FTO: variants seen among roughly 807,000 people sequenced by gnomAD.
FTO encodes the protein alpha-ketoglutarate-dependent dioxygenase FTO.
A neutral mutation model predicts 63.9 loss-of-function variants in FTO; 47 were observed. That is an observed-to-expected ratio of 0.74 (90% CI 0.58 to 0.94). The LOEUF (loss-of-function observed/expected upper bound fraction) is 0.94. FTO is among the 40% of genes least tolerant of loss of function. FTO has a pLI of 0.00. For synonymous variants in FTO, 207 were observed against 224.4 expected (o/e 0.92, Z 0.69); for missense variants, 562 against 618.1 (o/e 0.91, Z 0.96).
intron 8 of FTO, among the ~76,000 whole-genome samples, chr16:53,958,025 A>T (rs1412645486): frequency 6.6e-6 from 1 of 152,334 alleles, no homozygotes; most frequent in East Asian, 1.9e-4. Context: ...TTTATAGTGA[A>T]CATAGTAGTG....
intron 8 of FTO, among the ~76,000 whole-genome samples, chr16:53,939,510 A>AT (rs1447370905): frequency 6.6e-6 from 1 of 152,124 alleles, no homozygotes; most frequent in Admixed American, 6.5e-5. Flanking sequence ...CAGTTAAGTG[A>AT]TTTTTTAGTA....
intron 1 of FTO, among the ~76,000 whole-genome samples, chr16:53,707,979 C>A (rs1598458874): frequency 6.6e-6 from 1 of 152,214 alleles, no homozygotes; most frequent in East Asian, 1.9e-4. Context: ...AATATGTGGT[C>A]TTCTTTCACC....
At chr16:53,881,628 T>C (rs1372270909) in intron 6 of FTO, among the ~76,000 whole-genome samples, 1 of 152,218 alleles carries the variant, frequency 6.6e-6, no homozygotes, top group African/African-American at 2.4e-5. Context: ...AATTCTGCAG[T>C]CTGTGAGACC....
At chr16:53,735,638 GGAGT>G (rs2076376261) in intron 1 of FTO, among the ~76,000 whole-genome samples, 1 of 152,198 alleles carries the variant, frequency 6.6e-6, no homozygotes, top group Non-Finnish European at 1.5e-5. Context: ...TGTGCTTCAC[GGAGT>G]GAGTAATTCC....
intron 8 of FTO, among the ~76,000 whole-genome samples, chr16:54,061,445 C>T (rs2085568483): frequency 6.6e-6 from 1 of 152,152 alleles, no homozygotes; most frequent in Non-Finnish European, 1.5e-5. Flanking sequence ...AGATATTTTG[C>T]CATCTGACTT....
At chr16:54,074,917 A>AGAGTGT (rs1259223102) in intron 8 of FTO, among the ~76,000 whole-genome samples, 5 of 134,172 alleles carry the variant, frequency 3.7e-5, no homozygotes, top group South Asian at 2.6e-4. Context: ...AGAGAGAGAG[A>AGAGTGT]GTGTGTGTGT....
chr16:54,015,360 TTGTC>T (rs1458699433), intron 8 of FTO, among the ~76,000 whole-genome samples: 1 of 152,170 alleles, frequency 6.6e-6, no homozygotes, highest in Non-Finnish European at 1.5e-5. Flanking sequence ...ACAGAGTTGT[TTGTC>T]TGCAGCATTG....
chr16:53,742,683 G>A (rs2076553719), intron 1 of FTO, among the ~76,000 whole-genome samples: 1 of 152,064 alleles, frequency 6.6e-6, no homozygotes, highest in African/African-American at 2.4e-5. Context: ...ACATTGATTG[G>A]GTGCATAGTA....
At chr16:53,846,061 CT>C (rs1028226603) in intron 4 of FTO, among the ~76,000 whole-genome samples, 1 of 152,060 alleles carries the variant, frequency 6.6e-6, no homozygotes, top group East Asian at 1.9e-4. Context: ...AGAGATTGTT[CT>C]TTTTTTAAGT....
chr16:53,922,066 G>A (rs2082019183), intron 7 of FTO, among the ~76,000 whole-genome samples: 1 of 152,072 alleles, frequency 6.6e-6, no homozygotes, highest in Non-Finnish European at 1.5e-5. Context: ...ACTTTATAAA[G>A]CGTACCATAG....
intron 8 of FTO, among the ~76,000 whole-genome samples, chr16:54,080,819 G>A (rs777103423): frequency 5.3e-5 from 8 of 152,248 alleles, no homozygotes; most frequent in Admixed American, 2.0e-4. Context: ...AAGCATTTGC[G>A]TCAGTATTCT....
intron 8 of FTO, among the ~76,000 whole-genome samples, chr16:54,103,472 C>G (rs1271997823): frequency 1.3e-5 from 2 of 152,190 alleles, no homozygotes; most frequent in Non-Finnish European, 2.9e-5. Flanking sequence ...TCCTCACTCT[C>G]TGATGTGTGT....
chr16:54,089,397 G>T (rs992189307), intron 8 of FTO, among the ~76,000 whole-genome samples: 1 of 152,168 alleles, frequency 6.6e-6, no homozygotes, highest in Non-Finnish European at 1.5e-5. Flanking sequence ...AGAGATACTG[G>T]ATATCTCATA....
At chr16:53,934,859 G>A (rs538512637) in intron 8 of FTO, among the ~76,000 whole-genome samples, 1 of 152,294 alleles carries the variant, frequency 6.6e-6, no homozygotes, top group African/African-American at 2.4e-5. Flanking sequence ...GGCGATGACT[G>A]TAGCCTATTT....
chr16:54,096,027 A>C (rs868844341), intron 8 of FTO, among the ~76,000 whole-genome samples: 6 of 152,240 alleles, frequency 3.9e-5, no homozygotes, highest in Non-Finnish European at 7.3e-5. Context: ...CTTTCCTGCT[A>C]GCATGTAAGC....
At chr16:53,799,070 G>C (rs756557898) in intron 1 of FTO, among the ~76,000 whole-genome samples, 1 of 152,094 alleles carries the variant, frequency 6.6e-6, no homozygotes, top group Non-Finnish European at 1.5e-5. Flanking sequence ...CGTTCTGGGG[G>C]TAACACTTGG....
At chr16:53,869,793 T>C (rs1454325615) in intron 4 of FTO, among the ~76,000 whole-genome samples, 1 of 152,178 alleles carries the variant, frequency 6.6e-6, no homozygotes, top group East Asian at 1.9e-4. Context: ...TCCTTTAGGG[T>C]CCTTAGAATA....
At chr16:53,861,373 G>A (rs2080169225) in intron 4 of FTO, among the ~76,000 whole-genome samples, 1 of 152,048 alleles carries the variant, frequency 6.6e-6, no homozygotes, top group African/African-American at 2.4e-5. Context: ...TATTTTTGCC[G>A]ATTTGATGGG....
chr16:53,801,908 C>T (rs991343412), intron 1 of FTO, among the ~76,000 whole-genome samples: 8 of 151,896 alleles, frequency 5.3e-5, no homozygotes, highest in East Asian at 1.9e-4. Context: ...TACAGGTGTG[C>T]GCCACCACAC....
Sources: gnomAD v4.1 joint callset for allele counts (sites outside exome capture counted in the v4.1 genomes callset) on GRCh38, gnomAD v4.1.1 for gene constraint, MANE v1.5 for transcripts, NCBI Gene and HGNC (gene_info 2026-07-23, HGNC 2026-07-21) for gene names.